The following MYOCOS variants were observed in gnomAD, a reference collection of about 807,000 sequenced individuals.
MYOCOS encodes the protein myocilin opposite strand.
chr1:171,604,542 A>C (rs1183902148), intron 1 of MYOCOS, among the ~76,000 whole-genome samples: 1 of 152,242 alleles, frequency 6.6e-6, no homozygotes, highest in Non-Finnish European at 1.5e-5. Context: ...CCATGATCAC[A>C]GTCTTTGAAG....
At chr1:171,615,748 A>G (rs1362494957) in intron 2 of MYOCOS, among the ~76,000 whole-genome samples, 1 of 152,204 alleles carries the variant, frequency 6.6e-6, no homozygotes, top group Non-Finnish European at 1.5e-5. Context: ...TTCATGTGAA[A>G]TCTTTAGTGA....
In MYOCOS at chr1:171,605,972, G is replaced by A. The variant is rs1346959334; in HGVS notation, c.-252+4892G>A. On this transcript the variant is annotated intron_variant, in intron 1 of 3. Transcript: ENST00000636697. ...GCTGAATTTAACCTTACTAATTGTT[G>A]TCTAAACATAAATAATCAAAGGCAA... Among the ~76,000 whole-genome samples the A allele has an allele frequency of 3.3e-5, 5 of 152,096 alleles. 1 individual carries two copies. Among genetic ancestry groups the A allele is most frequent in the Non-Finnish European group, 5.9e-5 (4 of 68,036 alleles).
chr1:171,610,476 G>A (rs140337233), intron 1 of MYOCOS, among the ~76,000 whole-genome samples: 50 of 152,302 alleles, frequency 3.3e-4, no homozygotes, highest in African/African-American at 1.0e-3. Context: ...TTAGAGTTCC[G>A]GAGGCTGGGA....
chr1:171,608,272 G>C (rs777967951), intron 1 of MYOCOS, among the ~76,000 whole-genome samples: 1 of 152,136 alleles, frequency 6.6e-6, no homozygotes, highest in Admixed American at 6.5e-5. Context: ...CCATAGTGGA[G>C]TATAAAATTG....
At chr1:171,621,059 T>C (rs1335948216), upstream of MYOCOS, among the ~76,000 whole-genome samples, 4 of 151,964 alleles carry the variant, frequency 2.6e-5, no homozygotes, top group East Asian at 3.9e-4. Context: ...CGAGCCACCG[T>C]GCCCGGCCTA....
chr1:171,604,683 G>GA (rs1340183250), intron 1 of MYOCOS, among the ~76,000 whole-genome samples: 4 of 152,154 alleles, frequency 2.6e-5, no homozygotes, highest in Non-Finnish European at 4.4e-5. Context: ...AACAGCATAG[G>GA]ATAGGATGCG....
At chr1:171,620,249 A>T (rs1652534604), upstream of MYOCOS, among the ~76,000 whole-genome samples, 1 of 151,948 alleles carries the variant, frequency 6.6e-6, no homozygotes, top group Admixed American at 6.6e-5. Flanking sequence ...TGTCTGGGGC[A>T]TCGTGTCCTA....
upstream of MYOCOS, among the ~76,000 whole-genome samples, chr1:171,621,745 A>C (rs1451845972): frequency 1.3e-5 from 2 of 152,016 alleles, no homozygotes; most frequent in Non-Finnish European, 2.9e-5. Flanking sequence ...GCCTGGTGGG[A>C]GGATCACTTG....
rs113285490 is a variant in MYOCOS, at chr1:171,605,908, A to G, written c.-252+4828A>G. On this transcript the variant is annotated intron_variant, in intron 1 of 3. Transcript: ENST00000636697. ...GCAAGAGACTCTGAAGAGAAATGCTATCTATCAAAATAGACCAGCTCTTGA... is the reference window on the plus strand; with the variant it reads ...GCAAGAGACTCTGAAGAGAAATGCTGTCTATCAAAATAGACCAGCTCTTGA... Among the ~76,000 whole-genome samples the G allele has an allele frequency of 5.1e-3, 777 of 152,316 alleles. 3 individuals carry two copies. Among genetic ancestry groups the G allele is most frequent in the African/African-American group, 0.017 (722 of 41,554 alleles).
chr1:171,614,238 C>G (rs1018226576), intron 1 of MYOCOS, among the ~76,000 whole-genome samples: 2 of 152,168 alleles, frequency 1.3e-5, no homozygotes, highest in Non-Finnish European at 2.9e-5. Flanking sequence ...TCCTCTATCC[C>G]CTACTGATAC....
At chr1:171,603,108 G>T (rs1248977862) in intron 1 of MYOCOS, among the ~76,000 whole-genome samples, 1 of 152,162 alleles carries the variant, frequency 6.6e-6, no homozygotes. Context: ...GCTATATCCC[G>T]AAGTCCCTGC....
At chr1:171,616,673 G>A (rs1435271734) in intron 2 of MYOCOS, among the ~76,000 whole-genome samples, 1 of 152,192 alleles carries the variant, frequency 6.6e-6, no homozygotes, top group African/African-American at 2.4e-5. Context: ...ATATTGAGGT[G>A]TCAAGTCAGC....
chr1:171,600,922 C>T (rs1324586737), exon 1 of MYOCOS: 1 of 152,242 alleles, frequency 6.6e-6, no homozygotes, highest in African/African-American at 2.4e-5. Flanking sequence ...GGTCATGCTA[C>T]ATTTCTTGGT....
In MYOCOS at chr1:171,623,373, C is replaced by G. The variant is rs142175178; in HGVS notation, c.-43-468C>G. 1.1e-3 allele frequency among the ~76,000 whole-genome samples: 175 copies of G among 152,230 alleles called. 1 individual carries two copies. The highest frequency in any genetic ancestry group is 3.8e-3 in the African/African-American group (159 of 41,524). On this transcript the variant is annotated intron_variant, in intron 1 of 2. Transcript: ENST00000637642. Reference sequence around the variant, plus strand: ...GCCTTATTTATGTCCCTTTCCTGTTCTTTAAGGGGTAAGTGTTCCAGGAAG... The same window carrying G: ...GCCTTATTTATGTCCCTTTCCTGTTGTTTAAGGGGTAAGTGTTCCAGGAAG...
rs1270322901 is a variant in MYOCOS at position 171,614,797 on chromosome 1, G to A, written c.-251-1G>A. ...ATTTGTGCTTTTTTTCTACATTTTA[G>A]ACGGAGTAGTCAAGGAAGGCCTCGC... is the stretch of plus-strand genomic sequence containing the variant. On this transcript the variant is annotated splice_acceptor_variant, in intron 1 of 3. Transcript: ENST00000636697. LOFTEE classifies it low-confidence loss of function (5UTR_SPLICE). 1 of 152,224 alleles carries A rather than the reference G, an allele frequency of 6.6e-6. No homozygotes were observed. Among genetic ancestry groups the A allele is most frequent in the Non-Finnish European group, 1.5e-5 (1 of 68,042 alleles). The allele number at this position is 152,224 out of a possible 1,614,324, so 9.4% of individuals were successfully genotyped here. A position where few individuals can be genotyped will look rare whatever the true frequency, so the allele number is the denominator to read the frequency against.
At chr1:171,617,544 T>A (rs138348346), upstream of MYOCOS, among the ~76,000 whole-genome samples, 558 of 152,314 alleles carry the variant, frequency 3.7e-3, 3 homozygotes, top group African/African-American at 0.013. Context: ...AGTTATTTCC[T>A]GTTTCAACTA....
chr1:171,602,986 G>A (rs1405645387), intron 1 of MYOCOS, among the ~76,000 whole-genome samples: 5 of 152,164 alleles, frequency 3.3e-5, no homozygotes, highest in Non-Finnish European at 5.9e-5. Flanking sequence ...CAGAGGCCCC[G>A]ATTGTCCCCC....
At chr1:171,613,570 C>T (rs1652390835) in intron 1 of MYOCOS, among the ~76,000 whole-genome samples, 1 of 151,624 alleles carries the variant, frequency 6.6e-6, no homozygotes, top group Admixed American at 6.6e-5. Context: ...TTTGGCAAGA[C>T]AGGGTCTTGC....
In MYOCOS at chr1:171,605,394, C is replaced by CACACA. The variant is rs376886204; in HGVS notation, c.-252+4315_-252+4316insCACAA. 3.1e-3 allele frequency among the ~76,000 whole-genome samples: 399 copies of CACACA among 127,548 alleles called. 1 individual carries two copies. The highest frequency in any genetic ancestry group is 0.023 in the Middle Eastern group (6 of 266). 83.7% of individuals were successfully genotyped at this position (127,548 alleles called of 152,430 possible). ...AGTACCACACACACACACACACACA[C>CACACA]AAAAAAAAAAAAACAGTTACATGAT... is the stretch of plus-strand genomic sequence containing the variant. On this transcript the variant is annotated intron_variant, in intron 1 of 3. Coordinates refer to the MYOCOS transcript ENST00000636697.
Sources: gnomAD v4.1 joint callset for allele counts (sites outside exome capture counted in the v4.1 genomes callset) on GRCh38, gnomAD v4.1.1 for gene constraint, MANE v1.5 for transcripts, NCBI Gene and HGNC (gene_info 2026-07-23, HGNC 2026-07-21) for gene names.